MLYCD: variants seen among roughly 807,000 people sequenced by gnomAD.
The protein encoded by MLYCD is malonyl-CoA decarboxylase, also known as malonyl-CoA decarboxylase, mitochondrial.
Under a neutral mutation model 35.8 loss-of-function variants are expected in MLYCD, and 27 were observed. The observed-to-expected ratio is 0.75, with a 90% confidence interval of 0.56 to 1.04. MLYCD has a LOEUF of 1.04. Ranked by LOEUF, MLYCD falls within the 50% of genes least tolerant of loss-of-function variation. MLYCD has a pLI of 0.00. For synonymous variants in MLYCD, 403 were observed against 302.4 expected (o/e 1.33, Z -3.45); for missense variants, 917 against 665.1 (o/e 1.38, Z -4.17).
Position 83,919,585 on chromosome 16 carries a change from A to G in MLYCD, c.*4096A>G, listed in dbSNP as rs71404123. 0.45 allele frequency: 68,016 copies of G among 150,124 alleles called. 16,317 individuals are homozygous for G. Among genetic ancestry groups the G allele is most frequent in the African/African-American group, 0.62 (25,042 of 40,084 alleles). 9.3% of individuals were successfully genotyped at this position (150,124 alleles called of 1,614,324 possible). ...AGAACACACGGTGATCAGAACACAC[A>G]GTGCACAGGAGAACACACAGTGCAC... On this transcript the variant is annotated 3_prime_UTR_variant, in exon 5 of 5. Transcript: ENST00000262430.
rs867557688 is a variant in MLYCD, at chr16:83,917,281, G to A, written c.*1792G>A. On this transcript the variant is annotated 3_prime_UTR_variant, in exon 5 of 5. Coordinates refer to ENST00000262430, the MANE Select transcript of MLYCD (RefSeq NM_012213.3). ...AGCGTCTCTGTGTGGATCAGTGCAC[G>A]TCTGTGTGCGTGTGCACAAGCATCT... 2.4e-4 allele frequency: 37 copies of A among 151,152 alleles called. No homozygotes were observed. The highest frequency in any genetic ancestry group is 1.8e-3 in the Middle Eastern group (2 of 1,120). The allele number at this position is 151,152 out of a possible 1,614,324, so 9.4% of individuals were successfully genotyped here. A position where few individuals can be genotyped will look rare whatever the true frequency, so the allele number is the denominator to read the frequency against.
intron 3 of MLYCD, 138 bp from the exon 4 acceptor site, chr16:83,912,080 G>T: frequency 7.9e-7 from 1 of 1,273,204 alleles, no homozygotes. Context: ...TCTGTAGCCT[G>T]AACCCCAGCT....
rs947689264 is a variant in MLYCD at position 83,922,632 on chromosome 16, G to A, written c.*7143G>A. 5 of 152,198 alleles carry A rather than the reference G, an allele frequency of 3.3e-5. No individual in the cohort carries two copies. The highest frequency in any genetic ancestry group is 9.7e-5 in the African/African-American group (4 of 41,432). The allele number at this position is 152,198 out of a possible 1,614,324, so 9.4% of individuals were successfully genotyped here. A position where few individuals can be genotyped will look rare whatever the true frequency, so the allele number is the denominator to read the frequency against. ...TTTAAGTGGCAGTAACCATAGTACC[G>A]ACCCCACAGCCTGCTGAGAGGCTCA... On this transcript the variant is annotated 3_prime_UTR_variant, in exon 5 of 5. Transcript: ENST00000262430.
chr16:83,905,504 C>T (rs1419442568), intron 1 of MLYCD, among the ~76,000 whole-genome samples: 2 of 152,190 alleles, frequency 1.3e-5, no homozygotes, highest in African/African-American at 4.8e-5. Flanking sequence ...CTTTGGTGCT[C>T]TTGGTGGATT....
chr16:83,911,051 C>T (rs181077010), intron 3 of MLYCD, among the ~76,000 whole-genome samples: 1,844 of 152,162 alleles, frequency 0.012, 38 homozygotes, highest in African/African-American at 0.043. Context: ...ATCTCGGCTC[C>T]CTGCAACCTC....
chr16:83,902,155 G>GTGTGTATATA (rs1555537769), intron 1 of MLYCD, among the ~76,000 whole-genome samples: 1 of 87,318 alleles, frequency 1.1e-5, no homozygotes, highest in African/African-American at 4.6e-5. Context: ...GTGTGCGTGC[G>GTGTGTATATA]TATATATATA....
At chr16:83,906,132 A>T (rs1906965857) in intron 1 of MLYCD, among the ~76,000 whole-genome samples, 4 of 152,278 alleles carry the variant, frequency 2.6e-5, no homozygotes, top group African/African-American at 9.6e-5. Flanking sequence ...GACGCCTGTA[A>T]TCCCAGCACT....
rs1033777361 is a variant in MLYCD, at chr16:83,911,070, G to A, written c.799-1148G>A. 3.9e-5 allele frequency among the ~76,000 whole-genome samples: 6 copies of A among 152,174 alleles called. No individual in the cohort carries two copies. In the Middle Eastern group the frequency reaches 0.014, roughly 345 times the overall value. The stretch of plus-strand genomic sequence containing the variant: ...CGGCTCCCTGCAACCTCCGCCTCCC[G>A]GGTTCACACCATTCTCCTGCCTCAG... On this transcript the variant is annotated intron_variant, in intron 3 of 4. Transcript: ENST00000262430.
At position 83,916,135 on chromosome 16, in the gene MLYCD, A is replaced by C; in HGVS notation, c.*646A>C. ...TTTAAATGATCAGGGATTCAGGTTC[A>C]TAATGAACTTCACAGTAAAGAACAC... is the stretch of plus-strand genomic sequence containing the variant. On this transcript the variant is annotated 3_prime_UTR_variant, in exon 5 of 5. Coordinates refer to ENST00000262430, the MANE Select transcript of MLYCD (RefSeq NM_012213.3). The C allele has an allele frequency of 2.0e-6, 2 of 993,424 alleles. No individual in the cohort carries two copies. Among genetic ancestry groups the C allele is most frequent in the Non-Finnish European group, 2.4e-6 (2 of 833,450 alleles). The allele number at this position is 993,424 out of a possible 1,614,324, so 61.5% of individuals were successfully genotyped here.
chr16:83,914,772 C>G (rs1597295032), intron 4 of MLYCD, 184 bp from the exon 5 acceptor site: 1 of 843,002 alleles, frequency 1.2e-6, no homozygotes. Context: ...GAGCAAGACC[C>G]TGACTCTAAG....
rs531927478 is a variant in MLYCD at position 83,915,571 on chromosome 16, C to G, written c.*82C>G. 107 of 1,565,294 alleles carry G rather than the reference C, an allele frequency of 6.8e-5. No homozygotes were observed. The African/African-American group carries it at 1.3e-3, about 19-fold the overall frequency. On this transcript the variant is annotated 3_prime_UTR_variant, in exon 5 of 5. Transcript: ENST00000262430. Reference sequence around the variant, plus strand: ...GGGGCCGGGAGTTATGTATCTGAAGCAGCTTTCCAAGCAAAGCCAAAGTTG... The same window carrying G: ...GGGGCCGGGAGTTATGTATCTGAAGGAGCTTTCCAAGCAAAGCCAAAGTTG...
At chr16:83,914,435 A>G in intron 4 of MLYCD, 1 of 181,830 alleles carries the variant, frequency 5.5e-6, no homozygotes. Context: ...GGGAAAGACA[A>G]GGCCTGCAGT....
intron 1 of MLYCD, among the ~76,000 whole-genome samples, chr16:83,900,638 C>G (rs941699828): frequency 7.1e-6 from 1 of 140,442 alleles, no homozygotes; most frequent in Admixed American, 7.6e-5. Flanking sequence ...GTGGCCCAGG[C>G]TTAACCTGCC....
In MLYCD at chr16:83,925,782, G is replaced by C. The variant is rs1907787395; in HGVS notation, c.*10293G>C. On this transcript the variant is annotated 3_prime_UTR_variant, in exon 5 of 5. Transcript: ENST00000262430. Reference sequence around the variant, plus strand: ...ACGCTCTCCCCTCCCTGCCTCCCAGGCAATGCCCACTCTGCCTCCAAAGTT... The same window carrying C: ...ACGCTCTCCCCTCCCTGCCTCCCAGCCAATGCCCACTCTGCCTCCAAAGTT... The C allele has an allele frequency of 6.6e-6, 1 of 152,634 alleles. No individual in the cohort carries two copies. The highest frequency in any genetic ancestry group is 2.1e-4 in the South Asian group (1 of 4,832). 9.5% of individuals were successfully genotyped at this position (152,634 alleles called of 1,614,324 possible).
rs895512344 is a variant in MLYCD, at chr16:83,920,601, A to G, written c.*5112A>G. The G allele has an allele frequency of 6.6e-6, 1 of 152,072 alleles. No individual in the cohort carries two copies. Among genetic ancestry groups the G allele is most frequent in the Non-Finnish European group, 1.5e-5 (1 of 68,026 alleles). The allele number at this position is 152,072 out of a possible 1,614,324, so 9.4% of individuals were successfully genotyped here. A position where few individuals can be genotyped will look rare whatever the true frequency, so the allele number is the denominator to read the frequency against. ...CCAGGGCCTCCCAGGCTCCAAGATC[A>G]CTGCCTTCAGGGAGCCCAGGAAGAG... On this transcript the variant is annotated 3_prime_UTR_variant, in exon 5 of 5. Transcript: ENST00000262430.
rs370002912 is a variant in MLYCD, at chr16:83,915,002, C to T, written c.995C>T (p.Pro332Leu). Residue 332 changes from proline to leucine, a missense_variant, in exon 5 of 5, where the codon CCT becomes CTT. By Grantham distance (98) the Pro-to-Leu change is moderately conservative. Coordinates refer to ENST00000262430, the MANE Select transcript of MLYCD (RefSeq NM_012213.3). The stretch of plus-strand genomic sequence containing the variant: ...GTGTTTTCAAGTCTGTCACCTATAC[C>T]TGGTTTCACCAAATGGCTTCTGGGG... ...LGVFSSLSPI[P>L]GFTKWLLGLL... 2 of 1,614,128 alleles carry T rather than the reference C, an allele frequency of 1.2e-6. No homozygotes were observed. Among genetic ancestry groups the T allele is most frequent in the Admixed American group, 1.7e-5 (1 of 60,002 alleles).
Position 83,902,169 on chromosome 16 carries a change from A to G in MLYCD, c.528+2497A>G, listed in dbSNP as rs1342383998. ...TGTGTGCGTGCGTATATATATATAT[A>G]TATATATATATATATATATATGGTT... On this transcript the variant is annotated intron_variant, in intron 1 of 4. Transcript: ENST00000262430. Among the ~76,000 whole-genome samples, 244 of 124,984 alleles carry G rather than the reference A, an allele frequency of 2.0e-3. 11 individuals are homozygous for G. The South Asian group carries it at 0.048, about 25-fold the overall frequency. The allele number at this position is 124,984 out of a possible 152,430, so 82.0% of individuals were successfully genotyped here.
At chr16:83,902,409 G>T (rs1363190813) in intron 1 of MLYCD, among the ~76,000 whole-genome samples, 2 of 150,138 alleles carry the variant, frequency 1.3e-5, no homozygotes, top group Non-Finnish European at 3.0e-5. Context: ...GAATTAGATT[G>T]TTCTGTACCT....
chr16:83,919,202 C>T lies in MLYCD; in HGVS notation c.*3713C>T, dbSNP rs567591724. On this transcript the variant is annotated 3_prime_UTR_variant, in exon 5 of 5. Transcript: ENST00000262430. Reference sequence around the variant, plus strand: ...CACAGGAGAATTCACACACAATGCACAGGAGAACACAGTGCACAGGAGAAC... The same window carrying T: ...CACAGGAGAATTCACACACAATGCATAGGAGAACACAGTGCACAGGAGAAC... The T allele has an allele frequency of 7.2e-6, 1 of 138,538 alleles. No homozygotes were observed. Among genetic ancestry groups the T allele is most frequent in the East Asian group, 2.2e-4 (1 of 4,466 alleles). The allele number at this position is 138,538 out of a possible 1,614,324, so 8.6% of individuals were successfully genotyped here.
Sources: gnomAD v4.1 joint callset for allele counts (sites outside exome capture counted in the v4.1 genomes callset) on GRCh38, gnomAD v4.1.1 for gene constraint, MANE v1.5 for transcripts, NCBI Gene and HGNC (gene_info 2026-07-23, HGNC 2026-07-21) for gene names.